ARL15: variants seen among roughly 807,000 people sequenced by gnomAD.
The protein encoded by ARL15 is ARF like GTPase 15, also known as ADP-ribosylation factor-like protein 15.
ARL15 carries 19 observed loss-of-function variants against 25.2 expected under a neutral mutation model. That is an observed-to-expected ratio of 0.75 (90% CI 0.53 to 1.10). ARL15 has a LOEUF of 1.10. Ranked by LOEUF, ARL15 falls within the 50% of genes least tolerant of loss-of-function variation. ARL15 has a pLI of 0.00. For missense variants in ARL15, 220 were observed against 246.0 expected, an observed-to-expected ratio of 0.89 and a Z score of 0.71; for synonymous variants, 94 against 86.8, an observed-to-expected ratio of 1.08 and a Z score of -0.46.
At chr5:54,021,827 T>C (rs962964359) in intron 4 of ARL15, among the ~76,000 whole-genome samples, 6 of 152,204 alleles carry the variant, frequency 3.9e-5, no homozygotes, top group South Asian at 2.1e-4. Flanking sequence ...TGGAAATCCA[T>C]GCCAAGATAC....
intron 3 of ARL15, among the ~76,000 whole-genome samples, chr5:54,113,693 A>C (rs908180941): frequency 6.6e-6 from 1 of 152,168 alleles, no homozygotes; most frequent in Non-Finnish European, 1.5e-5. Flanking sequence ...AACCAGGATA[A>C]ATACTTCCTA....
rs987416047 is a variant in ARL15, at chr5:53,888,492, T to C, written c.463-1779A>G. ...AGAGGTGGGGTCTAACCATGTTGCCTAGGGTGGTCTTGAACTCCTAAGCTC... is the reference window on the plus strand; with the variant it reads ...AGAGGTGGGGTCTAACCATGTTGCCCAGGGTGGTCTTGAACTCCTAAGCTC... On this transcript the variant is annotated intron_variant, in intron 4 of 4. Coordinates refer to ENST00000504924, the MANE Select transcript of ARL15 (RefSeq NM_019087.3). Among the ~76,000 whole-genome samples, 5 of 152,074 alleles carry C rather than the reference T, an allele frequency of 3.3e-5. No homozygotes were observed. The East Asian group carries it at 9.7e-4, about 29-fold the overall frequency.
chr5:54,236,065 A>C (rs943344856), intron 1 of ARL15, among the ~76,000 whole-genome samples: 3 of 152,152 alleles, frequency 2.0e-5, no homozygotes, highest in Non-Finnish European at 4.4e-5. Flanking sequence ...AAAATTTTTT[A>C]AATGGCTTTA....
intron 3 of ARL15, among the ~76,000 whole-genome samples, chr5:54,128,706 CT>C (rs34430326): frequency 0.05 from 6,485 of 130,122 alleles, 366 homozygotes; most frequent in African/African-American, 0.17. Context: ...TATTTTGATT[CT>C]TTTTTTTTTT....
intron 1 of ARL15, among the ~76,000 whole-genome samples, chr5:54,227,358 A>T (rs67332769): frequency 0.14 from 20,599 of 152,130 alleles, 1,729 homozygotes; most frequent in East Asian, 0.44. Context: ...CTAACACAAG[A>T]CCTAACCTCA....
At chr5:53,905,224 T>C (rs966358314) in intron 4 of ARL15, among the ~76,000 whole-genome samples, 1 of 152,212 alleles carries the variant, frequency 6.6e-6, no homozygotes, top group African/African-American at 2.4e-5. Context: ...GCATGTCCAC[T>C]GTCAGAATCA....
In ARL15 at chr5:53,987,369, T is replaced by A. The variant is rs534505567; in HGVS notation, c.463-100656A>T. On this transcript the variant is annotated intron_variant, in intron 4 of 4. Transcript: ENST00000504924. The stretch of plus-strand genomic sequence containing the variant: ...TATTCATTTTCTCTTCATCTAGATC[T>A]AGCCTCGTCCTTCCACATAATTTGC... Among the ~76,000 whole-genome samples the A allele has an allele frequency of 2.0e-5, 3 of 152,286 alleles. No individual in the cohort carries two copies. In the South Asian group the frequency reaches 6.2e-4, roughly 32 times the overall value.
At chr5:53,922,856 T>C (rs955194684) in intron 4 of ARL15, among the ~76,000 whole-genome samples, 2 of 152,100 alleles carry the variant, frequency 1.3e-5, no homozygotes, top group Non-Finnish European at 2.9e-5. Context: ...CTGAAAACTG[T>C]CTATTCCCCT....
chr5:54,000,053 G>A (rs1210298906), intron 4 of ARL15, among the ~76,000 whole-genome samples: 1 of 152,146 alleles, frequency 6.6e-6, no homozygotes, highest in Non-Finnish European at 1.5e-5. Context: ...TATCTATATT[G>A]AGTCCATGAG....
chr5:54,037,976 T>C (rs902642512), intron 4 of ARL15, among the ~76,000 whole-genome samples: 3 of 152,114 alleles, frequency 2.0e-5, no homozygotes, highest in Non-Finnish European at 4.4e-5. Context: ...CTATTACATA[T>C]CTTAGAAATA....
At chr5:54,121,081 G>A (rs1579819705) in intron 3 of ARL15, among the ~76,000 whole-genome samples, 1 of 152,162 alleles carries the variant, frequency 6.6e-6, no homozygotes, top group East Asian at 1.9e-4. Flanking sequence ...TATAATTAGA[G>A]TCACATACTA....
chr5:53,916,000 G>C (rs1745633631), intron 4 of ARL15, among the ~76,000 whole-genome samples: 1 of 152,146 alleles, frequency 6.6e-6, no homozygotes, highest in South Asian at 2.1e-4. Flanking sequence ...TTGACCTTCT[G>C]GGCTCAGGAG....
chr5:54,150,810 A>G (rs1253384638), intron 3 of ARL15, among the ~76,000 whole-genome samples: 1 of 151,000 alleles, frequency 6.6e-6, no homozygotes, highest in Admixed American at 6.7e-5. Context: ...AAATAAATAA[A>G]TAAAAAATAA....
intron 1 of ARL15, among the ~76,000 whole-genome samples, chr5:54,239,967 C>T (rs534909520): frequency 3.3e-5 from 5 of 152,264 alleles, no homozygotes; most frequent in Admixed American, 1.3e-4. Flanking sequence ...GTGGCTCAGG[C>T]CTGTAATCCC....
At chr5:54,307,027 A>C (rs16882662) in intron 1 of ARL15, among the ~76,000 whole-genome samples, 5,632 of 152,280 alleles carry the variant, frequency 0.037, 218 homozygotes, top group African/African-American at 0.095. Flanking sequence ...TCTACCTATG[A>C]GAAGAAAGAG....
chr5:53,947,563 G>A (rs1426754034), intron 4 of ARL15, among the ~76,000 whole-genome samples: 2 of 152,110 alleles, frequency 1.3e-5, no homozygotes. Context: ...AATTACTGAG[G>A]AAGAGCAAAG....
At chr5:53,902,970 G>A (rs1439932771) in intron 4 of ARL15, among the ~76,000 whole-genome samples, 1 of 152,198 alleles carries the variant, frequency 6.6e-6, no homozygotes, top group Non-Finnish European at 1.5e-5. Flanking sequence ...TGCCATGTCA[G>A]TCACGGGAAG....
At chr5:54,191,646 A>G (rs1755403959) in intron 1 of ARL15, among the ~76,000 whole-genome samples, 2 of 152,144 alleles carry the variant, frequency 1.3e-5, no homozygotes, top group South Asian at 4.2e-4. Flanking sequence ...CTCTCAAACC[A>G]CACATCCAAT....
intron 3 of ARL15, among the ~76,000 whole-genome samples, chr5:54,124,292 A>G (rs1458001897): frequency 1.3e-5 from 2 of 152,210 alleles, no homozygotes; most frequent in African/African-American, 2.4e-5. Flanking sequence ...AGGTCGAAAC[A>G]GTTATAGGGC....
Sources: gnomAD v4.1 joint callset for allele counts (sites outside exome capture counted in the v4.1 genomes callset) on GRCh38, gnomAD v4.1.1 for gene constraint, MANE v1.5 for transcripts, NCBI Gene and HGNC (gene_info 2026-07-23, HGNC 2026-07-21) for gene names.